The following ASS1 variants were observed in gnomAD, a reference collection of about 807,000 sequenced individuals.
The protein encoded by ASS1 is argininosuccinate synthase.
A neutral mutation model predicts 60.5 loss-of-function variants in ASS1; 58 were observed. That is an observed-to-expected ratio of 0.96 (90% CI 0.78 to 1.19). The LOEUF is 1.19. Ranked by LOEUF, ASS1 falls within the 50% of genes most tolerant of loss-of-function variation. The probability of loss-of-function intolerance (pLI) is 0.00; values close to 1 mark genes in which losing one functional copy is unlikely to be tolerated. For missense variants in ASS1, 454 were observed against 547.3 expected (o/e 0.83, Z 1.70); for synonymous variants, 200 against 206.9 (o/e 0.97, Z 0.29).
At chr9:130,464,051 C>T (rs1845667593) in intron 4 of ASS1, 60 bp from the exon 5 acceptor site, 1 of 1,586,996 alleles carries the variant, frequency 6.3e-7, no homozygotes, top group Non-Finnish European at 8.7e-7. Context: ...CTCACGTCCT[C>T]CCCCAGACTC....
chr9:130,447,590 G>A (rs1001099454), intron 1 of ASS1, among the ~76,000 whole-genome samples: 4 of 152,214 alleles, frequency 2.6e-5, no homozygotes, highest in African/African-American at 9.6e-5. Context: ...TGTCTCTTCC[G>A]GGGAAGGAGG....
Position 130,476,678 on chromosome 9 carries a change from C to G in ASS1, c.598-193C>G. 1.6e-6 allele frequency: 1 copy of G among 635,628 alleles called. No individual in the cohort carries two copies. Among genetic ancestry groups the G allele is most frequent in the Non-Finnish European group, 2.8e-6 (1 of 355,222 alleles). The allele number at this position is 635,628 out of a possible 1,614,324, so 39.4% of individuals were successfully genotyped here. On this transcript the variant is annotated intron_variant, in intron 8 of 14. Coordinates refer to ENST00000352480, the MANE Select transcript of ASS1 (RefSeq NM_054012.4). This position sits in a 1 kb window ranked among gnomAD's most constrained non-coding sequence, Gnocchi z 4.9. ...GGGAAAAATTGTCTGATTTCTCCAG[C>G]CCTTTGTTTCCCAGGCCTCTGGCAA...
chr9:130,479,281 CTGTGTGTGTGTG>C (rs376408214), intron 9 of ASS1, among the ~76,000 whole-genome samples: 1 of 148,594 alleles, frequency 6.7e-6, no homozygotes, highest in South Asian at 2.1e-4. Context: ...TGGCAGGGGG[CTGTGTGTGTGTG>C]TGTGTGTGTG....
intron 12 of ASS1, among the ~76,000 whole-genome samples, chr9:130,492,169 T>C (rs996056007): frequency 6.6e-6 from 1 of 152,132 alleles, no homozygotes; most frequent in African/African-American, 2.4e-5. Flanking sequence ...GGTTTCCCAG[T>C]GTGGAGGCGC....
intron 8 of ASS1, among the ~76,000 whole-genome samples, chr9:130,474,465 G>T (rs955533610): frequency 2.0e-5 from 3 of 152,188 alleles, no homozygotes; most frequent in Non-Finnish European, 1.5e-5. Flanking sequence ...CGGGCCCAGC[G>T]CAGGTGGAGG....
rs78432485 is a variant in ASS1 at position 130,476,965 on chromosome 9, T to C, written c.688+4T>C. 3.6e-3 allele frequency: 5,837 copies of C among 1,613,064 alleles called. 208 individuals are homozygous for C. In the African/African-American group the frequency reaches 0.065, roughly 18 times the overall value. On this transcript the variant is annotated splice_donor_region_variant and intron_variant, in intron 9 of 14. Coordinates refer to ENST00000352480, the MANE Select transcript of ASS1 (RefSeq NM_054012.4). This position sits in a 1 kb window ranked among gnomAD's most constrained non-coding sequence, Gnocchi z 4.9. ...CTCGAGATCGAGTTCAAAAAAGGTA[T>C]GTGCCCACCTGTTGGGACTCGAAGG... is the stretch of plus-strand genomic sequence containing the variant.
Position 130,470,805 on chromosome 9 carries a change from C to T in ASS1, c.496-29C>T. 3 of 1,611,516 alleles carry T rather than the reference C, an allele frequency of 1.9e-6. No individual in the cohort carries two copies. Among genetic ancestry groups the T allele is most frequent in the Non-Finnish European group, 2.5e-6 (3 of 1,177,696 alleles). On this transcript the variant is annotated intron_variant, in intron 6 of 14. Transcript: ENST00000352480. This position sits in a 1 kb window ranked among gnomAD's most constrained non-coding sequence, Gnocchi z 4.3. Reference sequence around the variant, plus strand: ...CTCACGCGTCCTTCCAGCCGCCTTACCTCCACCTGTGCTGTCTCTTTCCTG... The same window carrying T: ...CTCACGCGTCCTTCCAGCCGCCTTATCTCCACCTGTGCTGTCTCTTTCCTG...
rs1845344767 is a variant in ASS1, at chr9:130,452,250, G to T, written c.22G>T (p.Val8Phe). ...CGCTATGTCCAGCAAAGGCTCCGTGGTTCTGGCCTACAGTGGCGGCCTGGA... is the reference window on the plus strand; with the variant it reads ...CGCTATGTCCAGCAAAGGCTCCGTGTTTCTGGCCTACAGTGGCGGCCTGGA... MSSKGSV[V>F]LAYSGGLDTS... Residue 8 changes from valine to phenylalanine, a missense_variant, in exon 2 of 15, where the codon GTT becomes TTT. Val to Phe is a conservative substitution (Grantham distance 50, BLOSUM62 -1). Transcript: ENST00000352480. The T allele has an allele frequency of 6.2e-7, 1 of 1,614,226 alleles. No individual in the cohort carries two copies. The highest frequency in any genetic ancestry group is 2.2e-5 in the East Asian group (1 of 44,880).
At chr9:130,484,828 C>A (rs1564158331) in intron 11 of ASS1, among the ~76,000 whole-genome samples, 1 of 151,228 alleles carries the variant, frequency 6.6e-6, no homozygotes, top group Non-Finnish European at 1.5e-5. Flanking sequence ...CACACACACA[C>A]ACGTGCGCGC....
chr9:130,450,977 A>C (rs1845311986), intron 1 of ASS1, among the ~76,000 whole-genome samples: 1 of 152,116 alleles, frequency 6.6e-6, no homozygotes, highest in South Asian at 2.1e-4. Flanking sequence ...GGAGGCTGGA[A>C]CCAGGAGGCC....
chr9:130,479,935 A>G, intron 10 of ASS1, 135 bp downstream of exon 10: 2 of 1,073,392 alleles, frequency 1.9e-6, no homozygotes, highest in Non-Finnish European at 2.9e-6. Flanking sequence ...CCCCATAGCC[A>G]CAGAGTTTCC....
chr9:130,472,691 G>A (rs993281727), intron 8 of ASS1, among the ~76,000 whole-genome samples: 3 of 152,160 alleles, frequency 2.0e-5, no homozygotes, highest in African/African-American at 7.2e-5. Context: ...CTGCCTGCTG[G>A]TCACAGGTTT....
intron 12 of ASS1, among the ~76,000 whole-genome samples, chr9:130,492,955 C>G (rs1313553095): frequency 6.6e-6 from 1 of 152,210 alleles, no homozygotes; most frequent in Non-Finnish European, 1.5e-5. Context: ...GTAGAAAATT[C>G]TGAGATAAAG....
In ASS1 at chr9:130,473,602, C is replaced by T. The variant is rs145399812; in HGVS notation, c.597+2087C>T. 1.3e-3 allele frequency among the ~76,000 whole-genome samples: 192 copies of T among 152,308 alleles called. 2 individuals carry two copies. The East Asian group carries it at 0.02, about 16-fold the overall frequency. ...CTGAGGGTGGGGCTCAACGTCAGGA[C>T]GCACCCTTGCATCCCTGGACCTGGC... On this transcript the variant is annotated intron_variant, in intron 8 of 14. Coordinates refer to ENST00000352480, the MANE Select transcript of ASS1 (RefSeq NM_054012.4).
At chr9:130,484,799 GCACACACACACACACACA>G (rs3030699) in intron 11 of ASS1, among the ~76,000 whole-genome samples, 23 of 146,604 alleles carry the variant, frequency 1.6e-4, no homozygotes, top group African/African-American at 5.6e-4. Flanking sequence ...AGCTTTAAAC[GCACACACACACACACACA>G]CACACACACA....
intron 11 of ASS1, among the ~76,000 whole-genome samples, chr9:130,487,215 G>A (rs1279432754): frequency 2.0e-5 from 3 of 152,142 alleles, no homozygotes; most frequent in Admixed American, 1.3e-4. Context: ...GCTAACAGTC[G>A]GGAGAACACG....
intron 9 of ASS1, among the ~76,000 whole-genome samples, chr9:130,479,070 G>A (rs1257401805): frequency 6.6e-6 from 1 of 152,102 alleles, no homozygotes; most frequent in Non-Finnish European, 1.5e-5. Flanking sequence ...AGTGCCCCTT[G>A]CTATTCAAAG....
Position 130,494,752 on chromosome 9 carries a change from G to C in ASS1, c.971-115G>C. 1.4e-6 allele frequency: 2 copies of C among 1,383,320 alleles called. No homozygotes were observed. Among genetic ancestry groups the C allele is most frequent in the Non-Finnish European group, 2.0e-6 (2 of 981,778 alleles). The allele number at this position is 1,383,320 out of a possible 1,614,324, so 85.7% of individuals were successfully genotyped here. A position where few individuals can be genotyped will look rare whatever the true frequency, so the allele number is the denominator to read the frequency against. ...CATTGTGCCAGTCTCGCGGGAGGCA[G>C]TCATGGTCTGCATGGCGGGGTAAAC... is the stretch of plus-strand genomic sequence containing the variant. On this transcript the variant is annotated intron_variant, in intron 12 of 14. Coordinates refer to ENST00000352480, the MANE Select transcript of ASS1 (RefSeq NM_054012.4). This position sits in a 1 kb window ranked among gnomAD's most constrained non-coding sequence, Gnocchi z 4.3.
Position 130,459,260 on chromosome 9 carries a change from G to T in ASS1, c.363+671G>T, listed in dbSNP as rs550039210. Among the ~76,000 whole-genome samples, 50 of 152,214 alleles carry T rather than the reference G, an allele frequency of 3.3e-4. 1 individual carries two copies. Among genetic ancestry groups the T allele is most frequent in the Admixed American group, 2.9e-3 (44 of 15,288 alleles). ...TTCCAGTGGCCTCTGGTGTCCCTTA[G>T]CGTGTGGCTGCGTCACTCCTGTCCT... On this transcript the variant is annotated intron_variant, in intron 4 of 14. Coordinates refer to ENST00000352480, the MANE Select transcript of ASS1 (RefSeq NM_054012.4). The surrounding 1 kb of genome is among the most constrained non-coding windows in gnomAD (Gnocchi z 4.6).
Sources: gnomAD v4.1 joint callset for allele counts (sites outside exome capture counted in the v4.1 genomes callset) on GRCh38, gnomAD v4.1.1 for gene constraint, Gnocchi (gnomAD v3.1) non-coding constraint, MANE v1.5 for transcripts, NCBI Gene and HGNC (gene_info 2026-07-23, HGNC 2026-07-21) for gene names.